FRAS1: variants seen among roughly 807,000 people sequenced by gnomAD.
FRAS1 encodes Fraser extracellular matrix complex subunit 1, also known as extracellular matrix organizing protein FRAS1.
A neutral mutation model predicts 435.2 loss-of-function variants in FRAS1; 290 were observed. The observed-to-expected ratio is 0.67, with a 90% confidence interval of 0.61 to 0.73. The LOEUF (loss-of-function observed/expected upper bound fraction) is 0.73. Ranked by LOEUF, FRAS1 falls within the 30% of genes least tolerant of loss-of-function variation. The pLI, the probability that FRAS1 is intolerant of heterozygous loss-of-function variation, is 0.00. For synonymous variants in FRAS1, 1,800 were observed against 1,851.0 expected (o/e 0.97, Z 0.71); for missense variants, 4,860 against 5,001.5 (o/e 0.97, Z 0.85).
chr4:78,204,838 C>T (rs1047039430), intron 2 of FRAS1, among the ~76,000 whole-genome samples: 28 of 152,316 alleles, frequency 1.8e-4, no homozygotes, highest in African/African-American at 6.7e-4. Flanking sequence ...AACTTCTAAG[C>T]ACAACTTGAT....
chr4:78,436,244 T>G lies in FRAS1; in HGVS notation c.5218-2326T>G, dbSNP rs868312066. 2.6e-5 allele frequency among the ~76,000 whole-genome samples: 4 copies of G among 152,092 alleles called. 1 individual carries two copies. Among genetic ancestry groups the G allele is most frequent in the African/African-American group, 9.6e-5 (4 of 41,476 alleles). On this transcript the variant is annotated intron_variant, in intron 38 of 73. Coordinates refer to ENST00000512123, the MANE Select transcript of FRAS1 (RefSeq NM_025074.7). ...TTCCACAGAAGAGGAACCCGGGTGG[T>G]CAATAAACATATGAAGAGATAGTCG...
At chr4:78,413,178 A>G in intron 32 of FRAS1, 93 bp downstream of exon 32, 2 of 679,352 alleles carry the variant, frequency 2.9e-6, no homozygotes, top group Non-Finnish European at 4.9e-6. Flanking sequence ...TGTATATAGT[A>G]AGTGCCTGGC....
intron 59 of FRAS1, among the ~76,000 whole-genome samples, chr4:78,491,118 A>G (rs185474524): frequency 4.6e-4 from 70 of 152,330 alleles, no homozygotes; most frequent in African/African-American, 1.7e-3. Context: ...AAGAATTTGA[A>G]TCCCTGAATA....
At chr4:78,537,809 G>A (rs531606119) in intron 72 of FRAS1, among the ~76,000 whole-genome samples, 3 of 152,162 alleles carry the variant, frequency 2.0e-5, no homozygotes, top group African/African-American at 7.2e-5. Context: ...AGCTGGGCTT[G>A]GTGGCATGCA....
chr4:78,306,091 C>A (rs1234709131), intron 14 of FRAS1, among the ~76,000 whole-genome samples: 2 of 152,004 alleles, frequency 1.3e-5, no homozygotes, highest in African/African-American at 2.4e-5. Flanking sequence ...TTGCTTGTCT[C>A]TAAAGGATTT....
At chr4:78,268,570 T>C (rs938964336) in intron 9 of FRAS1, among the ~76,000 whole-genome samples, 2 of 152,208 alleles carry the variant, frequency 1.3e-5, no homozygotes, top group African/African-American at 4.8e-5. Flanking sequence ...AGGATCTCAT[T>C]TTATTAAGGA....
intron 2 of FRAS1, among the ~76,000 whole-genome samples, chr4:78,202,734 C>T (rs1403253438): frequency 6.6e-6 from 1 of 152,170 alleles, no homozygotes; most frequent in South Asian, 2.1e-4. Flanking sequence ...CTCTGGGATT[C>T]TGTTTTAATT....
intron 2 of FRAS1, among the ~76,000 whole-genome samples, chr4:78,229,677 AT>A (rs1724437144): frequency 6.6e-6 from 1 of 151,046 alleles, no homozygotes; most frequent in South Asian, 2.1e-4. Context: ...AATATAAGGC[AT>A]TGTTATTGAT....
At chr4:78,416,329 A>G (rs1221818602) in intron 32 of FRAS1, among the ~76,000 whole-genome samples, 1 of 152,112 alleles carries the variant, frequency 6.6e-6, no homozygotes, top group African/African-American at 2.4e-5. Context: ...GAGTTGTTCA[A>G]TGGATATAGA....
At chr4:78,530,671 G>A (rs1721683559) in intron 70 of FRAS1, among the ~76,000 whole-genome samples, 1 of 152,116 alleles carries the variant, frequency 6.6e-6, no homozygotes, top group Admixed American at 6.6e-5. Context: ...TGATTACTGA[G>A]GCCTCTGTTC....
chr4:78,252,503 G>T lies in FRAS1; in HGVS notation c.421G>T (p.Ala141Ser), dbSNP rs1453748614. Residue 141 changes from alanine (A) to serine (S), a missense_variant, in exon 5 of 74, where the codon GCA becomes TCA. Physicochemically the swap from Ala to Ser is moderately conservative, Grantham distance 99 (BLOSUM62 1). Transcript: ENST00000512123. ...PPLSCGHQELAFIPEGSCCPV... is the reference protein window; with the variant it reads ...PPLSCGHQELSFIPEGSCCPV... ...GCTGTCATGTGGACACCAGGAGCTG[G>T]CATTCATCCCTGAAGGAAGCTGCTG... 1 of 1,613,686 alleles carries T rather than the reference G, an allele frequency of 6.2e-7. No individual in the cohort carries two copies. Among genetic ancestry groups the T allele is most frequent in the Non-Finnish European group, 8.5e-7 (1 of 1,179,822 alleles).
chr4:78,307,339 G>C (rs182624516), intron 14 of FRAS1, among the ~76,000 whole-genome samples: 53 of 152,358 alleles, frequency 3.5e-4, no homozygotes, highest in African/African-American at 1.3e-3. Context: ...CCTGCCCCCA[G>C]AGGTGGAGCC....
intron 9 of FRAS1, among the ~76,000 whole-genome samples, chr4:78,270,254 G>A (rs927962388): frequency 6.6e-5 from 10 of 152,146 alleles, no homozygotes; most frequent in Non-Finnish European, 1.3e-4. Context: ...AGCGCTTGCT[G>A]TTACTTACAA....
At chr4:78,357,376 C>T (rs1207240186) in intron 20 of FRAS1, among the ~76,000 whole-genome samples, 1 of 152,216 alleles carries the variant, frequency 6.6e-6, no homozygotes, top group East Asian at 1.9e-4. Context: ...GGAGACAGCC[C>T]TCTTGAAGGC....
intron 15 of FRAS1, among the ~76,000 whole-genome samples, chr4:78,312,879 G>GAGAGAGAGAGAGAGAGAGAGAA (rs143465313): frequency 4.3e-4 from 56 of 129,072 alleles, no homozygotes; most frequent in Non-Finnish European, 6.1e-4. Context: ...GAGAGAGAGA[G>GAGAGAGAGAGAGAGAGAGAGAA]AGAAAGAAAG....
At chr4:78,481,314 AT>A (rs1440518409) in intron 56 of FRAS1, among the ~76,000 whole-genome samples, 1 of 152,222 alleles carries the variant, frequency 6.6e-6, no homozygotes, top group African/African-American at 2.4e-5. Context: ...AAACAGAGAA[AT>A]CAACTCAGTT....
At chr4:78,399,125 A>G (rs1436987429) in intron 29 of FRAS1, among the ~76,000 whole-genome samples, 2 of 152,202 alleles carry the variant, frequency 1.3e-5, no homozygotes, top group African/African-American at 4.8e-5. Context: ...TGCTATGTCA[A>G]TTGAGAAAGG....
chr4:78,073,170 AT>A (rs1740449045), intron 2 of FRAS1, among the ~76,000 whole-genome samples: 1 of 152,234 alleles, frequency 6.6e-6, no homozygotes, highest in Non-Finnish European at 1.5e-5. Context: ...GTTTTTATAA[AT>A]TGTCCATCAT....
In FRAS1 at chr4:78,363,470, C is replaced by T. The variant is rs573914628; in HGVS notation, c.2423-43C>T. 9.6e-6 allele frequency: 15 copies of T among 1,568,692 alleles called. No individual in the cohort carries two copies. The East Asian group carries it at 3.4e-4, about 35-fold the overall frequency. On this transcript the variant is annotated intron_variant, in intron 20 of 73. Transcript: ENST00000512123. Reference sequence around the variant, plus strand: ...CTGTGCAGTGATGAGACTTTGTGCTCATGAGCACCCGTGCCTTCTCTGTGC... The same window carrying T: ...CTGTGCAGTGATGAGACTTTGTGCTTATGAGCACCCGTGCCTTCTCTGTGC...
Sources: allele counts gnomAD v4.1 joint callset (sites outside exome capture counted in the v4.1 genomes callset), GRCh38; gene constraint gnomAD v4.1.1; transcripts MANE v1.5; gene names NCBI Gene and HGNC (gene_info 2026-07-23, HGNC 2026-07-21).